The following KLHL1 variants were observed in gnomAD, a reference collection of about 807,000 sequenced individuals.
KLHL1 encodes kelch like family member 1, also known as kelch-like protein 1.
KLHL1 carries 47 observed loss-of-function variants against 77.7 expected under a neutral mutation model. The observed-to-expected ratio is 0.60, with a 90% confidence interval of 0.48 to 0.77. The LOEUF (loss-of-function observed/expected upper bound fraction) is 0.77, where lower values mean the gene tolerates loss of function less well. Among genes scored for constraint, KLHL1 ranks in the 30% least tolerant of loss-of-function variants. The probability of loss-of-function intolerance (pLI) is 0.00; values close to 1 mark genes in which losing one functional copy is unlikely to be tolerated. For missense variants in KLHL1, 925 were observed against 910.8 expected, an observed-to-expected ratio of 1.02 and a Z score of -0.20; for synonymous variants, 360 against 325.2, an observed-to-expected ratio of 1.11 and a Z score of -1.15.
At chr13:69,915,474 C>CA (rs1334985157) in intron 4 of KLHL1, among the ~76,000 whole-genome samples, 3 of 152,062 alleles carry the variant, frequency 2.0e-5, no homozygotes, top group Admixed American at 2.0e-4. Flanking sequence ...ACAAACCTGA[C>CA]AAAAACGAGA....
chr13:69,767,254 C>A (rs1875350458), intron 7 of KLHL1, among the ~76,000 whole-genome samples: 2 of 151,478 alleles, frequency 1.3e-5, no homozygotes. Flanking sequence ...TGTAAAAATT[C>A]AAAAAAAATT....
intron 6 of KLHL1, among the ~76,000 whole-genome samples, chr13:69,831,836 A>C (rs2138095723): frequency 6.6e-6 from 1 of 150,422 alleles, no homozygotes. Flanking sequence ...AAACAGAATT[A>C]AAAACAAAAA....
chr13:70,021,224 T>G (rs2137352108), intron 1 of KLHL1, among the ~76,000 whole-genome samples: 1 of 152,208 alleles, frequency 6.6e-6, no homozygotes, highest in East Asian at 1.9e-4. Context: ...TTTTAGTGTT[T>G]CCATAGTTTT....
rs749959317 is a variant in KLHL1, at chr13:69,995,064, C to T, written c.498-19262G>A. 2.6e-5 allele frequency among the ~76,000 whole-genome samples: 4 copies of T among 152,184 alleles called. No individual in the cohort carries two copies. In the South Asian group the frequency reaches 6.2e-4, roughly 24 times the overall value. ...CTGCCAGTAGCCCAGTTAAGCCAGT[C>T]GCCTTTTAAGGATAAAGAAAGTTTT... On this transcript the variant is annotated intron_variant, in intron 1 of 10. Transcript: ENST00000377844.
At chr13:70,075,623 T>TAC (rs1887249198) in intron 1 of KLHL1, among the ~76,000 whole-genome samples, 1 of 133,982 alleles carries the variant, frequency 7.5e-6, no homozygotes, top group South Asian at 2.3e-4. Context: ...CTTACATATA[T>TAC]ATATGTATAT....
rs75036119 is a variant in KLHL1, at chr13:69,871,302, C to T, written c.1227+10981G>A. 7.5e-3 allele frequency among the ~76,000 whole-genome samples: 1,137 copies of T among 152,264 alleles called. 12 individuals are homozygous for T. Among genetic ancestry groups the T allele is most frequent in the African/African-American group, 0.026 (1,095 of 41,562 alleles). On this transcript the variant is annotated intron_variant, in intron 5 of 10. Transcript: ENST00000377844. ...GAAGTGGTGCTCTGAGCCTGTCCCC[C>T]AAAACCATTCTGTCATTCTAGGCCT...
At position 70,097,952 on chromosome 13, in the gene KLHL1, A is replaced by G. The variant is rs1292358897; in HGVS notation, c.497+9251T>C. On this transcript the variant is annotated intron_variant, in intron 1 of 10. Coordinates refer to ENST00000377844, the MANE Select transcript of KLHL1 (RefSeq NM_020866.3). ...GAAAAATATTGTCAGATTATTAAAT[A>G]ATATTAGTTGCAAGGTTACATGTCA... 2.6e-5 allele frequency among the ~76,000 whole-genome samples: 4 copies of G among 151,736 alleles called. 1 individual carries two copies. Among genetic ancestry groups the G allele is most frequent in the South Asian group, 4.2e-4 (2 of 4,814 alleles).
At chr13:69,895,657 G>A (rs1281662228) in intron 4 of KLHL1, among the ~76,000 whole-genome samples, 5 of 151,628 alleles carry the variant, frequency 3.3e-5, no homozygotes, top group Non-Finnish European at 7.4e-5. Context: ...TCAAGATGCT[G>A]GCAAGGTTCC....
At position 70,012,907 on chromosome 13, in the gene KLHL1, A is replaced by T. The variant is rs191502621; in HGVS notation, c.498-37105T>A. On this transcript the variant is annotated intron_variant, in intron 1 of 10. Coordinates refer to ENST00000377844, the MANE Select transcript of KLHL1 (RefSeq NM_020866.3). ...GACAGAGCAAGATTCTGTATAAAAA[A>T]AATAATAATAATAAATAAATATCAA... Among the ~76,000 whole-genome samples the T allele has an allele frequency of 1.6e-4, 24 of 151,476 alleles. No individual in the cohort carries two copies. The South Asian group carries it at 2.1e-3, about 13-fold the overall frequency.
chr13:69,788,755 C>T (rs1278983552), intron 7 of KLHL1, among the ~76,000 whole-genome samples: 2 of 152,030 alleles, frequency 1.3e-5, no homozygotes, highest in Non-Finnish European at 2.9e-5. Context: ...GCAATAAATA[C>T]TTGGAGCTCC....
In KLHL1 at chr13:70,107,953, G is replaced by A; in HGVS notation, c.-254C>T. 4.4e-6 allele frequency: 2 copies of A among 459,130 alleles called. No homozygotes were observed. The highest frequency in any genetic ancestry group is 7.6e-6 in the Non-Finnish European group (2 of 261,692). 28.4% of individuals were successfully genotyped at this position (459,130 alleles called of 1,614,324 possible). A position where few individuals can be genotyped will look rare whatever the true frequency, so the allele number is the denominator to read the frequency against. On this transcript the variant is annotated 5_prime_UTR_variant, in exon 1 of 11. Transcript: ENST00000377844. ...GGGGACACCACCAGGCAGGAGCAGA[G>A]GCAGGACTGGGACGCCAAAAGCTGA...
chr13:69,752,769 G>C (rs1046262713), intron 7 of KLHL1, among the ~76,000 whole-genome samples: 3 of 152,150 alleles, frequency 2.0e-5, no homozygotes, highest in Admixed American at 6.6e-5. Context: ...GGAATCACTT[G>C]AGCGGAACAT....
intron 9 of KLHL1, among the ~76,000 whole-genome samples, chr13:69,709,893 TTAAAG>T (rs1319851711): frequency 3.0e-5 from 3 of 98,942 alleles, no homozygotes; most frequent in African/African-American, 8.0e-5. Flanking sequence ...ACAAATAACT[TTAAAG>T]TGAATAATTT....
chr13:70,104,861 T>G (rs1251340800), intron 1 of KLHL1, among the ~76,000 whole-genome samples: 2 of 152,124 alleles, frequency 1.3e-5, no homozygotes, highest in Non-Finnish European at 2.9e-5. Flanking sequence ...AAATTTCCAT[T>G]CAGTATTTTA....
intron 4 of KLHL1, among the ~76,000 whole-genome samples, chr13:69,898,546 GAT>G (rs538525270): frequency 1.3e-5 from 2 of 152,172 alleles, no homozygotes; most frequent in Non-Finnish European, 2.9e-5. Flanking sequence ...GTCAGGCTCA[GAT>G]ATGAGTGAGT....
intron 1 of KLHL1, among the ~76,000 whole-genome samples, chr13:70,049,275 A>T (rs1249383232): frequency 6.6e-6 from 1 of 152,160 alleles, no homozygotes; most frequent in Non-Finnish European, 1.5e-5. Flanking sequence ...ACCAAACCTA[A>T]TTCTTTTATT....
intron 1 of KLHL1, among the ~76,000 whole-genome samples, chr13:70,027,292 C>T (rs893649872): frequency 6.6e-5 from 10 of 152,032 alleles, no homozygotes; most frequent in South Asian, 2.1e-4. Flanking sequence ...TAAGAAGCCA[C>T]GGAGATATAA....
At chr13:69,816,935 G>A (rs1878145140) in intron 6 of KLHL1, among the ~76,000 whole-genome samples, 1 of 151,652 alleles carries the variant, frequency 6.6e-6, no homozygotes, top group Non-Finnish European at 1.5e-5. Context: ...TCCAGCCTGG[G>A]CAACAAAGCG....
intron 7 of KLHL1, among the ~76,000 whole-genome samples, chr13:69,756,991 G>A (rs1003443696): frequency 6.6e-5 from 10 of 152,062 alleles, no homozygotes; most frequent in African/African-American, 2.4e-4. Flanking sequence ...ATTAGGCAAA[G>A]TATCTGGCAA....
Sources: gnomAD v4.1 joint callset for allele counts (sites outside exome capture counted in the v4.1 genomes callset) on GRCh38, gnomAD v4.1.1 for gene constraint, MANE v1.5 for transcripts, NCBI Gene and HGNC (gene_info 2026-07-23, HGNC 2026-07-21) for gene names.